Variants in KLF8 observed in about 807,000 individuals in gnomAD.
KLF8 encodes the protein Krueppel-like factor 8.
In KLF8, 10 loss-of-function variants were observed where a neutral mutation model predicts 18.2. The ratio of observed to expected loss-of-function variants is 0.55; its 90% CI spans 0.34 to 0.93. KLF8 has a LOEUF of 0.93. KLF8 is among the 40% of genes least tolerant of loss of function. The pLI, the probability that KLF8 is intolerant of heterozygous loss-of-function variation, is 0.02. For synonymous variants in KLF8, 109 were observed against 97.3 expected (o/e 1.12, Z -0.71); for missense variants, 264 against 277.9 (o/e 0.95, Z 0.36).
At chrX:56,068,799 T>G in the KLF8 span, among the ~76,000 whole-genome samples, 121 of 111,729 alleles carry the variant, frequency 1.1e-3, no homozygotes, top group Non-Finnish European at 1.7e-3. Context: ...CACAGCTTCA[T>G]GTTGTCCCAT....
At chrX:55,944,578 G>A in the KLF8 span, among the ~76,000 whole-genome samples, 3 of 111,692 alleles carry the variant, frequency 2.7e-5, no homozygotes, top group African/African-American at 9.8e-5. Context: ...ATGTGTCGAG[G>A]AATTTATCCA....
At chrX:55,915,491 A>T in the KLF8 span, among the ~76,000 whole-genome samples, 7 of 112,012 alleles carry the variant, frequency 6.2e-5, 1 homozygote, top group South Asian at 2.6e-3. Flanking sequence ...TAGATGAAAG[A>T]TCTAAGAAGT....
the KLF8 span, among the ~76,000 whole-genome samples, chrX:55,973,096 A>G: frequency 7.1e-5 from 8 of 112,368 alleles, no homozygotes; most frequent in Admixed American, 1.9e-4. Flanking sequence ...CAAAATTTCA[A>G]TAACAAACAA....
rs188689699 is a variant in KLF8 at position 56,290,133 on chromosome X, T to C, written c.*5639T>C. Among the ~76,000 whole-genome samples, 2 of 111,791 alleles carry C rather than the reference T, an allele frequency of 1.8e-5. No homozygotes were observed. Among genetic ancestry groups the C allele is most frequent in the East Asian group, 2.8e-4 (1 of 3,554 alleles). ...TGACAACAGTGATGCTACCCTGAGT[T>C]ACCTCTCTTCTGTATTTTCCCAGAT... On this transcript the variant is annotated 3_prime_UTR_variant, in exon 6 of 6. Transcript: ENST00000468660.
the KLF8 span, among the ~76,000 whole-genome samples, chrX:56,221,466 C>A: frequency 6.2e-5 from 7 of 112,258 alleles, no homozygotes; most frequent in African/African-American, 1.6e-4. Flanking sequence ...TTCTTGGTCT[C>A]ACTGACTTCA....
At chrX:55,956,990 T>C in the KLF8 span, among the ~76,000 whole-genome samples, 1 of 111,360 alleles carries the variant, frequency 9.0e-6, no homozygotes, top group Non-Finnish European at 1.9e-5. Context: ...GTCATGAAAC[T>C]TTCCCCCAGT....
At chrX:56,269,277 C>T (rs1267106661) in intron 3 of KLF8, 101 bp from the exon 4 acceptor site, 17 of 1,031,870 alleles carry the variant, frequency 1.6e-5, no homozygotes, top group East Asian at 3.7e-5. Context: ...ATTTTTCTGT[C>T]TTGCTGCCAC....
chrX:56,211,225 C>T, the KLF8 span, among the ~76,000 whole-genome samples: 2 of 112,685 alleles, frequency 1.8e-5, no homozygotes, highest in Non-Finnish European at 3.7e-5. Context: ...AATCTAAGCT[C>T]TGTCTGCTTT....
At chrX:56,258,862 G>A (rs991253536) in intron 2 of KLF8, among the ~76,000 whole-genome samples, 3 of 111,577 alleles carry the variant, frequency 2.7e-5, no homozygotes, top group Admixed American at 9.5e-5. Flanking sequence ...CTATAACTAC[G>A]CAATGCTGGC....
At chrX:56,139,490 A>G in the KLF8 span, among the ~76,000 whole-genome samples, 1 of 111,857 alleles carries the variant, frequency 8.9e-6, no homozygotes, top group African/African-American at 3.2e-5. Context: ...GAACCCAGAA[A>G]TAAAATAGCA....
At chrX:55,969,636 A>G in the KLF8 span, among the ~76,000 whole-genome samples, 1 of 111,807 alleles carries the variant, frequency 8.9e-6, no homozygotes, top group Admixed American at 9.5e-5. Context: ...AACACAAAAG[A>G]TCAATGAAAC....
chrX:56,283,892 A>G (rs2067235827), intron 5 of KLF8, among the ~76,000 whole-genome samples: 2 of 112,286 alleles, frequency 1.8e-5, no homozygotes, highest in East Asian at 2.8e-4. Flanking sequence ...GCTAGTTTGT[A>G]GTAGAGCCGG....
chrX:56,051,046 C>A, the KLF8 span, among the ~76,000 whole-genome samples: 1 of 109,691 alleles, frequency 9.1e-6, no homozygotes, highest in African/African-American at 3.3e-5. Flanking sequence ...CTCTTTTGAT[C>A]TTTGTTGGTT....
the KLF8 span, among the ~76,000 whole-genome samples, chrX:56,127,160 T>TCA: frequency 9.0e-6 from 1 of 111,495 alleles, no homozygotes; most frequent in African/African-American, 3.3e-5. Flanking sequence ...TCCCTTTTAC[T>TCA]CACTCTTAGT....
At chrX:56,168,490 TA>T in the KLF8 span, among the ~76,000 whole-genome samples, 329 of 112,417 alleles carry the variant, frequency 2.9e-3, no homozygotes, top group African/African-American at 0.01. Context: ...CACATAAACA[TA>T]AAAAAATAGT....
intron 5 of KLF8, among the ~76,000 whole-genome samples, chrX:56,280,575 C>A (rs1311079564): frequency 8.9e-6 from 1 of 111,881 alleles, no homozygotes; most frequent in Non-Finnish European, 1.9e-5. Context: ...TCTATTATTT[C>A]TTTCTAATTT....
At chrX:56,067,227 G>C in the KLF8 span, among the ~76,000 whole-genome samples, 2 of 104,711 alleles carry the variant, frequency 1.9e-5, no homozygotes, top group African/African-American at 6.9e-5. Flanking sequence ...TGTGGAGTAC[G>C]TGAGTACCAG....
the KLF8 span, among the ~76,000 whole-genome samples, chrX:56,177,018 A>G: frequency 9.0e-6 from 1 of 110,978 alleles, no homozygotes; most frequent in African/African-American, 3.3e-5. Context: ...TTTTTTTTCA[A>G]GGTTTTTAAC....
At chrX:56,271,590 G>A (rs960155822) in intron 5 of KLF8, among the ~76,000 whole-genome samples, 6 of 111,738 alleles carry the variant, frequency 5.4e-5, no homozygotes, top group African/African-American at 1.6e-4. Flanking sequence ...AGCCCTAGTT[G>A]TTTTGCCTAG....
Sources: allele counts gnomAD v4.1 joint callset (sites outside exome capture counted in the v4.1 genomes callset), GRCh38; gene constraint gnomAD v4.1.1; transcripts MANE v1.5; gene names NCBI Gene and HGNC (gene_info 2026-07-23, HGNC 2026-07-21).